Variants in SH3BGRL2 observed in about 807,000 individuals in gnomAD.
SH3BGRL2 encodes the protein SH3 domain-binding glutamic acid-rich-like protein 2.
A neutral mutation model predicts 14.8 loss-of-function variants in SH3BGRL2; 21 were observed. That is an observed-to-expected ratio of 1.42 (90% CI 1.01 to 2.05). The LOEUF (loss-of-function observed/expected upper bound fraction) is 2.05, where lower values mean the gene tolerates loss of function less well. SH3BGRL2 is among the 30% of genes most tolerant of loss of function. SH3BGRL2 has a pLI of 0.00. For missense variants in SH3BGRL2, 147 were observed against 130.8 expected, an observed-to-expected ratio of 1.12 and a Z score of -0.61; for synonymous variants, 50 against 47.8, an observed-to-expected ratio of 1.05 and a Z score of -0.19.
At chr6:79,642,195 A>G (rs1769046626) in intron 1 of SH3BGRL2, among the ~76,000 whole-genome samples, 1 of 152,198 alleles carries the variant, frequency 6.6e-6, no homozygotes, top group African/African-American at 2.4e-5. Flanking sequence ...ATCTGTACTG[A>G]ACATGTACAG....
At chr6:79,571,610 C>T in the SH3BGRL2 span, among the ~76,000 whole-genome samples, 1 of 152,154 alleles carries the variant, frequency 6.6e-6, no homozygotes, top group African/African-American at 2.4e-5. Context: ...ACATATCCAT[C>T]ACCCAACCTA....
At chr6:79,590,461 A>ATATATATATG in the SH3BGRL2 span, among the ~76,000 whole-genome samples, 1 of 135,808 alleles carries the variant, frequency 7.4e-6, no homozygotes, top group African/African-American at 2.7e-5. Context: ...ATATATATAT[A>ATATATATATG]TATGCGCCAT....
chr6:79,592,934 A>G, the SH3BGRL2 span, among the ~76,000 whole-genome samples: 15 of 152,174 alleles, frequency 9.9e-5, no homozygotes, highest in Non-Finnish European at 1.9e-4. Flanking sequence ...CACTCTCTCA[A>G]TTGCATGGAT....
the SH3BGRL2 span, among the ~76,000 whole-genome samples, chr6:79,616,698 AC>A: frequency 6.6e-6 from 1 of 152,192 alleles, no homozygotes; most frequent in Non-Finnish European, 1.5e-5. Context: ...GTCTGCACTC[AC>A]TGTGTTAGGA....
the SH3BGRL2 span, among the ~76,000 whole-genome samples, chr6:79,568,772 G>A: frequency 6.6e-6 from 1 of 152,078 alleles, no homozygotes; most frequent in South Asian, 2.1e-4. Flanking sequence ...GAATTTTATT[G>A]TGGTAAGAGT....
chr6:79,555,095 T>A, the SH3BGRL2 span, among the ~76,000 whole-genome samples: 25,047 of 152,078 alleles, frequency 0.16, 2,190 homozygotes, highest in South Asian at 0.22. Flanking sequence ...AGGTGCTAAG[T>A]CATCCCAAAC....
intron 2 of SH3BGRL2, among the ~76,000 whole-genome samples, chr6:79,683,302 C>T (rs562504637): frequency 6.6e-6 from 1 of 152,308 alleles, no homozygotes; most frequent in Admixed American, 6.5e-5. Flanking sequence ...GGACCTGCTT[C>T]AAAATCTGTC....
At chr6:79,554,184 G>T in the SH3BGRL2 span, among the ~76,000 whole-genome samples, 5 of 152,154 alleles carry the variant, frequency 3.3e-5, no homozygotes, top group East Asian at 9.6e-4. Context: ...CCTTTGAAGA[G>T]CAGTGGCTTG....
chr6:79,692,322 T>C (rs1265750051), intron 2 of SH3BGRL2, among the ~76,000 whole-genome samples: 2 of 152,204 alleles, frequency 1.3e-5, no homozygotes, highest in African/African-American at 2.4e-5. Context: ...TTCACTCTGA[T>C]GGTAGTTTCT....
At chr6:79,653,888 G>T (rs960516010) in intron 1 of SH3BGRL2, among the ~76,000 whole-genome samples, 2 of 152,164 alleles carry the variant, frequency 1.3e-5, no homozygotes, top group African/African-American at 4.8e-5. Flanking sequence ...TCTTCACTTG[G>T]TGGTGGTCTC....
chr6:79,553,590 CAA>C, the SH3BGRL2 span, among the ~76,000 whole-genome samples: 1 of 152,100 alleles, frequency 6.6e-6, no homozygotes, highest in Non-Finnish European at 1.5e-5. Context: ...ATCAGAACAC[CAA>C]AGAGAGGCGA....
At chr6:79,599,818 T>A in the SH3BGRL2 span, among the ~76,000 whole-genome samples, 2 of 152,172 alleles carry the variant, frequency 1.3e-5, no homozygotes, top group African/African-American at 4.8e-5. Context: ...GAAACACCAC[T>A]ACAACAAGAC....
chr6:79,596,120 A>C, the SH3BGRL2 span, among the ~76,000 whole-genome samples: 1 of 152,236 alleles, frequency 6.6e-6, no homozygotes, highest in South Asian at 2.1e-4. Flanking sequence ...ACATTAATAG[A>C]AGTATAAAAT....
chr6:79,590,445 A>ATATATATATATATG, the SH3BGRL2 span, among the ~76,000 whole-genome samples: 1 of 133,544 alleles, frequency 7.5e-6, no homozygotes, highest in Non-Finnish European at 1.6e-5. Context: ...ATATATATAT[A>ATATATATATATATG]TATATATATA....
intron 1 of SH3BGRL2, among the ~76,000 whole-genome samples, chr6:79,661,828 A>G (rs2473826): frequency 0.83 from 126,203 of 152,110 alleles, 52,495 homozygotes; most frequent in East Asian, 0.98. Flanking sequence ...TATTGGATGC[A>G]TATATATTTA....
intron 1 of SH3BGRL2, among the ~76,000 whole-genome samples, chr6:79,641,067 A>G (rs181109646): frequency 2.0e-4 from 31 of 152,048 alleles, no homozygotes; most frequent in African/African-American, 7.0e-4. Flanking sequence ...TTCCTTCTGC[A>G]TGTTCCACAA....
the SH3BGRL2 span, among the ~76,000 whole-genome samples, chr6:79,576,088 A>T: frequency 6.6e-6 from 1 of 152,148 alleles, no homozygotes; most frequent in Non-Finnish European, 1.5e-5. Flanking sequence ...TCCCTAAACA[A>T]TGCAAGGACC....
At chr6:79,566,056 A>C in the SH3BGRL2 span, among the ~76,000 whole-genome samples, 2 of 152,188 alleles carry the variant, frequency 1.3e-5, no homozygotes, top group Non-Finnish European at 1.5e-5. Context: ...TGGTATGCCA[A>C]GGTTAGTCTT....
At chr6:79,619,368 A>C in the SH3BGRL2 span, among the ~76,000 whole-genome samples, 3 of 152,234 alleles carry the variant, frequency 2.0e-5, 1 homozygote, top group East Asian at 5.8e-4. Context: ...TTATCCTGGA[A>C]AATCCATGTA....
Sources: gnomAD v4.1 joint callset for allele counts (sites outside exome capture counted in the v4.1 genomes callset) on GRCh38, gnomAD v4.1.1 for gene constraint, MANE v1.5 for transcripts, NCBI Gene and HGNC (gene_info 2026-07-23, HGNC 2026-07-21) for gene names.